HNF1B: variants seen among roughly 807,000 people sequenced by gnomAD.
HNF1B encodes hepatocyte nuclear factor 1-beta.
A neutral mutation model predicts 61.7 loss-of-function variants in HNF1B; 8 were observed. That is an observed-to-expected ratio of 0.13 (90% confidence interval 0.08 to 0.23). The LOEUF is 0.23. Ranked by LOEUF, HNF1B falls within the 10% of genes least tolerant of loss-of-function variation. The pLI is 1.00. For missense variants in HNF1B, 562 were observed against 714.5 expected (o/e 0.79, Z 2.43); for synonymous variants, 314 against 287.7 (o/e 1.09, Z -0.93).
intron 4 of HNF1B, among the ~76,000 whole-genome samples, chr17:37,724,520 T>A (rs1164692914): frequency 6.6e-6 from 1 of 152,214 alleles, no homozygotes; most frequent in African/African-American, 2.4e-5. Flanking sequence ...TGTTTTTGTA[T>A]GACCCACAAG....
chr17:37,694,437 C>T (rs2032310032), intron 8 of HNF1B, among the ~76,000 whole-genome samples: 2 of 16,980 alleles, frequency 1.2e-4, no homozygotes, highest in Non-Finnish European at 4.2e-4. Context: ...CCCGCCCCGC[C>T]GCCCCCCCCC....
chr17:37,736,405 C>A (rs1057268780), intron 2 of HNF1B, among the ~76,000 whole-genome samples: 1 of 152,200 alleles, frequency 6.6e-6, no homozygotes, highest in African/African-American at 2.4e-5. Flanking sequence ...TCATCTAATT[C>A]TTACGACCGC....
intron 4 of HNF1B, among the ~76,000 whole-genome samples, chr17:37,727,507 C>T (rs1211175096): frequency 6.6e-6 from 1 of 152,192 alleles, no homozygotes; most frequent in African/African-American, 2.4e-5. Context: ...GTCAATTAAG[C>T]ATGCATAAGG....
chr17:37,699,269 A>G, intron 7 of HNF1B, 75 bp from the exon 8 acceptor site: 2 of 1,062,934 alleles, frequency 1.9e-6, no homozygotes, highest in Non-Finnish European at 3.0e-6. Context: ...CCCATCCCAC[A>G]CCATAGCTCC....
chr17:37,735,178 G>A (rs1055763049), intron 2 of HNF1B, among the ~76,000 whole-genome samples: 9 of 152,096 alleles, frequency 5.9e-5, no homozygotes, highest in African/African-American at 2.2e-4. Flanking sequence ...TGTAAATGAT[G>A]TGCCATCATT....
intron 3 of HNF1B, 124 bp downstream of exon 3, chr17:37,733,433 T>G: frequency 9.0e-7 from 1 of 1,117,234 alleles, no homozygotes; most frequent in Non-Finnish European, 1.4e-6. Context: ...GAACATACTT[T>G]GAGAAGCTCT....
intron 7 of HNF1B, 35 bp from the exon 8 acceptor site, chr17:37,699,229 A>G (rs2092618731): frequency 2.0e-6 from 3 of 1,526,778 alleles, no homozygotes; most frequent in Non-Finnish European, 2.7e-6. Context: ...ATCAAGGTGC[A>G]TACACAGGCA....
chr17:37,722,784 A>G (rs936286470), intron 4 of HNF1B, among the ~76,000 whole-genome samples: 2 of 152,180 alleles, frequency 1.3e-5, no homozygotes, highest in Admixed American at 6.5e-5. Context: ...AGGTACCTGA[A>G]GCAGACGCAT....
intron 7 of HNF1B, 135 bp from the exon 8 acceptor site, chr17:37,699,329 A>C: frequency 1.3e-6 from 1 of 746,592 alleles, no homozygotes; most frequent in Non-Finnish European, 2.5e-6. Flanking sequence ...GGGATTTCTC[A>C]TATTAGTTAT....
intron 8 of HNF1B, among the ~76,000 whole-genome samples, chr17:37,693,025 C>T (rs1211943308): frequency 6.6e-6 from 1 of 151,788 alleles, no homozygotes; most frequent in East Asian, 1.9e-4. Context: ...CCCGTCTCTA[C>T]TAAAAATACA....
intron 8 of HNF1B, among the ~76,000 whole-genome samples, chr17:37,694,884 G>C (rs1472221991): frequency 6.6e-6 from 1 of 152,186 alleles, no homozygotes; most frequent in Non-Finnish European, 1.5e-5. Flanking sequence ...CTTACATTTG[G>C]AATGTTGGAA....
chr17:37,743,321 CG>C (rs1331350234), intron 1 of HNF1B, among the ~76,000 whole-genome samples: 1 of 152,240 alleles, frequency 6.6e-6, no homozygotes, highest in Non-Finnish European at 1.5e-5. Flanking sequence ...TTCCGCCTCG[CG>C]GAACTCTCTT....
chr17:37,694,576 G>A (rs970068112), intron 8 of HNF1B, among the ~76,000 whole-genome samples: 1 of 151,936 alleles, frequency 6.6e-6, no homozygotes, highest in Non-Finnish European at 1.5e-5. Context: ...ATTTCTTAGA[G>A]ACCTGTTAAG....
chr17:37,690,727 A>G (rs2032172265), intron 8 of HNF1B, among the ~76,000 whole-genome samples: 1 of 152,206 alleles, frequency 6.6e-6, no homozygotes, highest in Non-Finnish European at 1.5e-5. Flanking sequence ...GGGGGAAGCA[A>G]TTTTGATAGG....
In HNF1B at chr17:37,730,226, T is replaced by C. The variant is rs541973013; in HGVS notation, c.1045+1369A>G. The C allele has an allele frequency of 4.6e-5, 7 of 152,918 alleles. No homozygotes were observed. The East Asian group carries it at 1.2e-3, about 25-fold the overall frequency. The allele number at this position is 152,918 out of a possible 1,614,324, so 9.5% of individuals were successfully genotyped here. Reference sequence around the variant, plus strand: ...GCTTCAGCTCCGTGGATCGCTGTGGTGGGCAAGCACACTGGTACTGCTCAG... The same window carrying C: ...GCTTCAGCTCCGTGGATCGCTGTGGCGGGCAAGCACACTGGTACTGCTCAG... On this transcript the variant is annotated intron_variant, in intron 4 of 8. Coordinates refer to ENST00000617811, the MANE Select transcript of HNF1B (RefSeq NM_000458.4).
At chr17:37,701,246 T>C (rs1341825843) in intron 6 of HNF1B, 69 bp from the exon 7 acceptor site, 1 of 1,449,894 alleles carries the variant, frequency 6.9e-7, no homozygotes, top group African/African-American at 1.4e-5. Context: ...ATGCCATCAT[T>C]TGAGCCCCCG....
intron 4 of HNF1B, among the ~76,000 whole-genome samples, chr17:37,722,947 C>T (rs923067105): frequency 7.9e-5 from 12 of 152,076 alleles, no homozygotes; most frequent in Non-Finnish European, 1.5e-4. Flanking sequence ...GATGCAGCCT[C>T]CACCAGGAAC....
intron 1 of HNF1B, among the ~76,000 whole-genome samples, chr17:37,744,106 T>A (rs2034088407): frequency 6.6e-6 from 1 of 152,228 alleles, no homozygotes; most frequent in Non-Finnish European, 1.5e-5. Context: ...GAGGCCGACA[T>A]GCGGCTTTCC....
At chr17:37,722,386 G>A (rs2033345787) in intron 4 of HNF1B, among the ~76,000 whole-genome samples, 1 of 152,186 alleles carries the variant, frequency 6.6e-6, no homozygotes, top group South Asian at 2.1e-4. Context: ...AAGGGGATAG[G>A]TATTGGGACA....
Sources: allele counts gnomAD v4.1 joint callset (sites outside exome capture counted in the v4.1 genomes callset), GRCh38; gene constraint gnomAD v4.1.1; transcripts MANE v1.5; gene names NCBI Gene and HGNC (gene_info 2026-07-23, HGNC 2026-07-21).